CC2D2A: variants seen among roughly 807,000 people sequenced by gnomAD.
CC2D2A encodes the protein coiled-coil and C2 domain containing 2A.
In CC2D2A, 155 loss-of-function variants were observed where a neutral mutation model predicts 212.9. The observed-to-expected ratio is 0.73, with a 90% CI of 0.64 to 0.83. The LOEUF (loss-of-function observed/expected upper bound fraction) is 0.83. Ranked by LOEUF, CC2D2A falls within the 40% of genes least tolerant of loss-of-function variation. The probability of loss-of-function intolerance (pLI) is 0.00; values close to 1 mark genes in which losing one functional copy is unlikely to be tolerated. For synonymous variants in CC2D2A, 667 were observed against 686.5 expected (o/e 0.97, Z 0.44); for missense variants, 1,856 against 1,956.2 (o/e 0.95, Z 0.97).
At chr4:15,553,488 A>G (rs575467430) in intron 19 of CC2D2A, among the ~76,000 whole-genome samples, 183 bp downstream of exon 19, 1 of 152,268 alleles carries the variant, frequency 6.6e-6, no homozygotes, top group Non-Finnish European at 1.5e-5. Flanking sequence ...AGTCCAAAAA[A>G]TTAAAATATT....
chr4:15,483,320 G>A (rs189664314), intron 4 of CC2D2A, among the ~76,000 whole-genome samples: 1 of 152,346 alleles, frequency 6.6e-6, no homozygotes, highest in Non-Finnish European at 1.5e-5. Context: ...ACATATGGAG[G>A]AGTCTGCATG....
chr4:15,584,832 T>C (rs967949054), intron 30 of CC2D2A, among the ~76,000 whole-genome samples: 1 of 152,130 alleles, frequency 6.6e-6, no homozygotes, highest in Non-Finnish European at 1.5e-5. Context: ...ATTTAAAAAT[T>C]AGCAAAAGAG....
chr4:15,481,088 G>C (rs1714610959), intron 4 of CC2D2A: 2 of 472,124 alleles, frequency 4.2e-6, no homozygotes, highest in East Asian at 1.1e-4. Flanking sequence ...GACCTTCAAT[G>C]TTAGAGGTGG....
chr4:15,518,768 T>C (rs1223274745), intron 11 of CC2D2A, among the ~76,000 whole-genome samples: 2 of 152,246 alleles, frequency 1.3e-5, no homozygotes, highest in African/African-American at 2.4e-5. Context: ...TCTAAAGCCA[T>C]GGCCCGAGTT....
chr4:15,509,272 T>G (rs974748429), intron 6 of CC2D2A, among the ~76,000 whole-genome samples: 5 of 133,226 alleles, frequency 3.8e-5, no homozygotes, highest in African/African-American at 1.3e-4. Context: ...TAGGATGAGA[T>G]AACACTTTTT....
At chr4:15,487,744 T>C (rs1236082793) in intron 4 of CC2D2A, among the ~76,000 whole-genome samples, 1 of 152,012 alleles carries the variant, frequency 6.6e-6, no homozygotes, top group Non-Finnish European at 1.5e-5. Context: ...GCCTTCTTCC[T>C]GTCTTTCTTA....
intron 8 of CC2D2A, among the ~76,000 whole-genome samples, chr4:15,514,343 G>A (rs1186496459): frequency 2.0e-5 from 3 of 152,194 alleles, no homozygotes; most frequent in Non-Finnish European, 4.4e-5. Flanking sequence ...TTAGTGCCAG[G>A]TGGAAGGTTA....
chr4:15,596,765 G>A (rs1033697512), intron 34 of CC2D2A, among the ~76,000 whole-genome samples: 1 of 152,170 alleles, frequency 6.6e-6, no homozygotes, highest in African/African-American at 2.4e-5. Context: ...TCCCATATGT[G>A]TATAAGGTGA....
intron 4 of CC2D2A, among the ~76,000 whole-genome samples, chr4:15,502,051 T>G (rs1715983430): frequency 1.3e-5 from 2 of 152,214 alleles, no homozygotes; most frequent in Non-Finnish European, 2.9e-5. Context: ...ACAAGCCTGT[T>G]TCTCAAATCA....
intron 6 of CC2D2A, among the ~76,000 whole-genome samples, chr4:15,507,077 CAA>C (rs1176476871): frequency 6.7e-5 from 7 of 105,020 alleles, no homozygotes; most frequent in African/African-American, 3.6e-5. Context: ...GACTCCATCT[CAA>C]AAAAAAAAAA....
chr4:15,487,791 A>AT lies in CC2D2A; in HGVS notation c.247+6964_247+6965insT, dbSNP rs1560145979. On this transcript the variant is annotated intron_variant, in intron 4 of 36. Coordinates refer to ENST00000424120, the MANE Select transcript of CC2D2A (RefSeq NM_001378615.1). ...ATTTTCTCCAGTAGTATGTTAAAAA[A>AT]ATTTTTTTTTTTGTACCTGTCATAG... Among the ~76,000 whole-genome samples, 162 of 26,682 alleles carry AT rather than the reference A, an allele frequency of 6.1e-3. 2 individuals are homozygous for AT. Among genetic ancestry groups the AT allele is most frequent in the East Asian group, 0.03 (21 of 690 alleles). The allele number at this position is 26,682 out of a possible 152,430, so 17.5% of individuals were successfully genotyped here.
chr4:15,470,689 C>CTCTCTATA (rs1713728306), intron 1 of CC2D2A, among the ~76,000 whole-genome samples: 1 of 50,672 alleles, frequency 2.0e-5, no homozygotes, highest in Non-Finnish European at 3.6e-5. Context: ...CTCTCTCTCT[C>CTCTCTATA]TATATATATA....
Position 15,508,344 on chromosome 4 carries a change from A to G in CC2D2A, c.439-1795A>G, listed in dbSNP as rs149743023. On this transcript the variant is annotated intron_variant, in intron 6 of 36. Transcript: ENST00000424120. ...TTCTCAGAGTCAACTACAGGCACAG[A>G]AAAACCCTTGCCACAGGCTCTGGTT... Among the ~76,000 whole-genome samples the G allele has an allele frequency of 4.7e-3, 718 of 152,316 alleles. 3 individuals carry two copies. The highest frequency in any genetic ancestry group is 0.016 in the African/African-American group (669 of 41,570).
chr4:15,587,805 C>A lies in CC2D2A; in HGVS notation c.4066-11C>A, dbSNP rs1412529846. 3.3e-6 allele frequency: 5 copies of A among 1,510,330 alleles called. No individual in the cohort carries two copies. The Admixed American group carries it at 8.6e-5, about 26-fold the overall frequency. 93.6% of individuals were successfully genotyped at this position (1,510,330 alleles called of 1,614,324 possible). A position where few individuals can be genotyped will look rare whatever the true frequency, so the allele number is the denominator to read the frequency against. On this transcript the variant is annotated splice_polypyrimidine_tract_variant and intron_variant, in intron 31 of 36. Transcript: ENST00000424120. ...GAGTCATACAACATAATTTTTTTTT[C>A]TTTTTGTCAGCAATTTCTTGATCTC...
intron 33 of CC2D2A, among the ~76,000 whole-genome samples, chr4:15,590,025 G>T (rs562609795): frequency 6.6e-6 from 1 of 152,090 alleles, no homozygotes; most frequent in African/African-American, 2.4e-5. Context: ...TTTCTAATTC[G>T]TAGTGTTTTA....
chr4:15,470,687 CTCTATATATA>C (rs1156985486), intron 1 of CC2D2A, among the ~76,000 whole-genome samples: 19 of 32,398 alleles, frequency 5.9e-4, no homozygotes, highest in South Asian at 1.2e-3. Context: ...CTCTCTCTCT[CTCTATATATA>C]TATATATATA....
In CC2D2A at chr4:15,515,892, A is replaced by T. The variant is rs1159122336; in HGVS notation, c.905A>T (p.Glu302Val). Residue 302 changes from glutamate (E) to valine (V), a missense_variant, in exon 10 of 37, where the codon GAG becomes GTG. This residue lies in a region of CC2D2A where 1,512 missense variants were observed against 1,579.3 expected (regional missense o/e 0.96). Transcript: ENST00000424120. ...QTVPTYKKLP[E>V]NVQPRFLEDE... ...GTCCCTACATATAAAAAGCTTCCTG[A>T]GAATGTACAGCCCAGGTTCCTGGAA... 1 of 1,552,576 alleles carries T rather than the reference A, an allele frequency of 6.4e-7. No homozygotes were observed. Among genetic ancestry groups the T allele is most frequent in the East Asian group, 2.4e-5 (1 of 40,974 alleles).
chr4:15,551,113 C>A, intron 18 of CC2D2A, 133 bp downstream of exon 18: 1 of 824,496 alleles, frequency 1.2e-6, no homozygotes, highest in Non-Finnish European at 1.7e-6. Context: ...AACAATGATG[C>A]TATGCAACTT....
rs773451687 is a variant in CC2D2A, at chr4:15,502,447, C to T, written c.266C>T (p.Ser89Leu). ...RGPRSLPPIP[S>L]TSRTGFAEFS... Reference sequence around the variant, plus strand: ...TTTTTAGGCTTACCTCCAATTCCTTCAACTTCCAGAACAGGCTTTGCAGAA... The same window carrying T: ...TTTTTAGGCTTACCTCCAATTCCTTTAACTTCCAGAACAGGCTTTGCAGAA... The change falls in exon 5 of 37, where the codon TCA becomes TTA. Residue 89 changes from serine to leucine, a missense_variant. By Grantham distance (145) the Ser-to-Leu change is moderately radical. Around this residue, in one of 5 missense-constraint regions of CC2D2A, gnomAD observed 1,512 missense variants for 1,579.3 expected, o/e 0.96. Transcript: ENST00000424120. The T allele has an allele frequency of 6.2e-6, 10 of 1,604,698 alleles. No individual in the cohort carries two copies. In the East Asian group the frequency reaches 2.2e-4, roughly 36 times the overall value.
Sources: gnomAD v4.1 joint callset for allele counts (sites outside exome capture counted in the v4.1 genomes callset) on GRCh38, gnomAD v4.1.1 for gene constraint, gnomAD v4.1.1 regional missense constraint, MANE v1.5 for transcripts, NCBI Gene and HGNC (gene_info 2026-07-23, HGNC 2026-07-21) for gene names.